Variants in SBSPON observed in about 807,000 individuals in gnomAD.
SBSPON encodes somatomedin-B and thrombospondin type-1 domain-containing protein.
In SBSPON, 30 loss-of-function variants were observed where a neutral mutation model predicts 35.8. The ratio of observed to expected loss-of-function variants is 0.84; its 90% CI spans 0.63 to 1.14. The LOEUF is 1.14. Among genes scored for constraint, SBSPON ranks in the 50% most tolerant of loss-of-function variants. The pLI is 0.00. For missense variants in SBSPON, 364 were observed against 357.7 expected, an observed-to-expected ratio of 1.02 and a Z score of -0.14; for synonymous variants, 136 against 135.9, an observed-to-expected ratio of 1.00 and a Z score of 0.00.
intron 2 of SBSPON, among the ~76,000 whole-genome samples, chr8:73,077,553 T>C (rs1203817334): frequency 6.6e-6 from 1 of 152,240 alleles, no homozygotes; most frequent in East Asian, 1.9e-4. Context: ...TGTGATATGT[T>C]TGTTAATCAA....
intron 2 of SBSPON, among the ~76,000 whole-genome samples, chr8:73,079,036 G>A (rs995962061): frequency 7.2e-5 from 11 of 152,096 alleles, no homozygotes; most frequent in African/African-American, 2.7e-4. Context: ...CCTCACCCTA[G>A]GCTGAGACCC....
At chr8:73,071,986 G>T in intron 2 of SBSPON, 116 bp from the exon 3 acceptor site, 1 of 681,518 alleles carries the variant, frequency 1.5e-6, no homozygotes, top group Non-Finnish European at 2.7e-6. Flanking sequence ...CAGGGCTACG[G>T]CACACCATCA....
At chr8:73,088,428 A>G (rs1283389184) in intron 1 of SBSPON, among the ~76,000 whole-genome samples, 1 of 152,210 alleles carries the variant, frequency 6.6e-6, no homozygotes, top group Non-Finnish European at 1.5e-5. Context: ...CACACCTACA[A>G]TCCCAGCATG....
In SBSPON at chr8:73,071,857, T is replaced by TA. The variant is rs763666250; in HGVS notation, c.422dup (p.Thr142AsnfsTer32). The TA allele has an allele frequency of 1.2e-6, 2 of 1,607,126 alleles. No individual in the cohort carries two copies. Among genetic ancestry groups the TA allele is most frequent in the Non-Finnish European group, 1.7e-6 (2 of 1,173,778 alleles). On this transcript the variant is annotated frameshift_variant, in exon 3 of 5. Transcript: ENST00000297354. LOFTEE classifies it high-confidence loss of function. ...TCTCCTTGTTGAATGCAGAGGTAGT[T>TA]ATAAAGGCAGGAACTGGAAAAGGGA...
At chr8:73,074,497 A>T in intron 2 of SBSPON, 1 of 612,792 alleles carries the variant, frequency 1.6e-6, no homozygotes, top group Non-Finnish European at 2.0e-6. Flanking sequence ...CAGAGAGGTT[A>T]AGAAATGTGT....
rs1373153272 is a variant in SBSPON at position 73,069,805 on chromosome 8, C to T, written c.677G>A (p.Gly226Glu). 1.2e-6 allele frequency: 2 copies of T among 1,612,504 alleles called. No individual in the cohort carries two copies. The highest frequency in any genetic ancestry group is 1.7e-6 in the Non-Finnish European group (2 of 1,178,686). Residue 226 changes from glycine (G) to glutamate (E), a missense_variant and splice_region_variant, in exon 4 of 5, where the codon GGA (glycine) becomes GAA (glutamate). Coordinates refer to ENST00000297354, the MANE Select transcript of SBSPON (RefSeq NM_153225.4). ...TACTTCAGTTAATTTCCATTCTTAC[C>T]CATCGGAGTCCAGGCCATCTCCAGA... ...RCSGDGLDSDGNQTLHWQAIG... is the reference protein window; with the variant it reads ...RCSGDGLDSDENQTLHWQAIG...
At chr8:73,076,503 C>T (rs528902596) in intron 2 of SBSPON, among the ~76,000 whole-genome samples, 45 of 151,890 alleles carry the variant, frequency 3.0e-4, no homozygotes, top group Non-Finnish European at 5.2e-4. Context: ...AAAAATTAGC[C>T]GGGTGTGTTG....
chr8:73,080,297 A>G (rs1810670715), intron 2 of SBSPON, among the ~76,000 whole-genome samples: 2 of 152,146 alleles, frequency 1.3e-5, no homozygotes, highest in South Asian at 2.1e-4. Context: ...GGTGGATCAC[A>G]AGGTCAGGAG....
rs750680884 is a variant in SBSPON, at chr8:73,067,473, C to G, written c.678-15G>C. 1.4e-6 allele frequency: 2 copies of G among 1,466,998 alleles called. No individual in the cohort carries two copies. The highest frequency in any genetic ancestry group is 1.9e-6 in the Non-Finnish European group (2 of 1,049,092). The allele number at this position is 1,466,998 out of a possible 1,614,324, so 90.9% of individuals were successfully genotyped here. A position where few individuals can be genotyped will look rare whatever the true frequency, so the allele number is the denominator to read the frequency against. On this transcript the variant is annotated splice_polypyrimidine_tract_variant and intron_variant, in intron 4 of 4. Transcript: ENST00000297354. ...GAGTCTGATTTCTGAAACGATATTT[C>G]GAAAGTGTTAGTTACACTAAAAGCA...
rs561932493 is a variant in SBSPON, at chr8:73,070,642, A to G, written c.501-661T>C. ...AGTGTCACCTTAAACTGAGCTGCGGAAAACTCTAACATTATATGTGACTGG... is the reference window on the plus strand; with the variant it reads ...AGTGTCACCTTAAACTGAGCTGCGGGAAACTCTAACATTATATGTGACTGG... On this transcript the variant is annotated intron_variant, in intron 3 of 4. Coordinates refer to ENST00000297354, the MANE Select transcript of SBSPON (RefSeq NM_153225.4). Among the ~76,000 whole-genome samples the G allele has an allele frequency of 9.2e-5, 14 of 152,314 alleles. 1 individual carries two copies. In the South Asian group the frequency reaches 2.7e-3, roughly 29 times the overall value.
chr8:73,078,276 C>G lies in SBSPON; in HGVS notation c.409+2743G>C, dbSNP rs540902280. ...GGGTTGCTGGAGGGGTCCTGTCTTC[C>G]CCAACTAGCTTGTGACAGGAGTAAT... On this transcript the variant is annotated intron_variant, in intron 2 of 4. Coordinates refer to ENST00000297354, the MANE Select transcript of SBSPON (RefSeq NM_153225.4). Among the ~76,000 whole-genome samples the G allele has an allele frequency of 3.8e-4, 58 of 152,238 alleles. No individual in the cohort carries two copies. The South Asian group carries it at 5.4e-3, about 14-fold the overall frequency.
chr8:73,069,227 C>A (rs898080786), intron 4 of SBSPON, among the ~76,000 whole-genome samples: 2 of 152,096 alleles, frequency 1.3e-5, no homozygotes, highest in African/African-American at 2.4e-5. Flanking sequence ...CAGAACACCA[C>A]TTTGGAGTGA....
chr8:73,089,032 T>G (rs1051827334), intron 1 of SBSPON, among the ~76,000 whole-genome samples: 5 of 152,244 alleles, frequency 3.3e-5, no homozygotes, highest in Non-Finnish European at 7.3e-5. Flanking sequence ...TCTATGTACC[T>G]TATTTGGGGT....
At chr8:73,080,471 T>A (rs957982700) in intron 2 of SBSPON, among the ~76,000 whole-genome samples, 1 of 152,122 alleles carries the variant, frequency 6.6e-6, no homozygotes, top group African/African-American at 2.4e-5. Flanking sequence ...GCCGAGATCA[T>A]GCCACTGCCC....
intron 1 of SBSPON, among the ~76,000 whole-genome samples, chr8:73,088,512 G>A (rs564577918): frequency 9.8e-4 from 149 of 152,106 alleles, no homozygotes; most frequent in African/African-American, 3.5e-3. Context: ...GGGAAACTTC[G>A]TCTCCACAAA....
chr8:73,082,621 G>T (rs1810731293), intron 1 of SBSPON, among the ~76,000 whole-genome samples: 1 of 152,196 alleles, frequency 6.6e-6, no homozygotes, highest in Non-Finnish European at 1.5e-5. Context: ...GCCAGAATAA[G>T]CCACGTTACA....
intron 2 of SBSPON, among the ~76,000 whole-genome samples, chr8:73,073,642 C>T (rs749978431): frequency 6.6e-6 from 1 of 152,056 alleles, no homozygotes. Context: ...CCTGTCTCTA[C>T]TAAAAATTTT....
At chr8:73,075,217 C>T (rs779172419) in intron 2 of SBSPON, among the ~76,000 whole-genome samples, 2 of 152,152 alleles carry the variant, frequency 1.3e-5, no homozygotes, top group Non-Finnish European at 2.9e-5. Context: ...GTTTCATGCT[C>T]TTGGGATTAG....
intron 4 of SBSPON, 35 bp downstream of exon 4, chr8:73,069,770 A>G: frequency 6.4e-7 from 1 of 1,565,574 alleles, no homozygotes; most frequent in Non-Finnish European, 8.8e-7. Flanking sequence ...AGAATGAGTG[A>G]CAAGAAAAGT....
Sources: allele counts gnomAD v4.1 joint callset (sites outside exome capture counted in the v4.1 genomes callset), GRCh38; gene constraint gnomAD v4.1.1; transcripts MANE v1.5; gene names NCBI Gene and HGNC (gene_info 2026-07-23, HGNC 2026-07-21).